Variants in RALGAPA2 observed in about 807,000 individuals in gnomAD.
RALGAPA2 encodes ral GTPase-activating protein subunit alpha-2.
In RALGAPA2, 139 loss-of-function variants were observed where a neutral mutation model predicts 230.4. The ratio of observed to expected loss-of-function variants is 0.60; its 90% confidence interval spans 0.53 to 0.69. The LOEUF is 0.69. RALGAPA2 is among the 30% of genes least tolerant of loss of function. The pLI is 0.00. For missense variants in RALGAPA2, 2,163 were observed against 2,276.0 expected, an observed-to-expected ratio of 0.95 and a Z score of 1.01; for synonymous variants, 847 against 837.8, an observed-to-expected ratio of 1.01 and a Z score of -0.19.
rs8116168 is a variant in RALGAPA2 at position 20,622,224 on chromosome 20, T to C, written c.1234-1594A>G. Among the ~76,000 whole-genome samples, 1,282 of 148,932 alleles carry C rather than the reference T, an allele frequency of 8.6e-3. 16 individuals are homozygous for C. Among genetic ancestry groups the C allele is most frequent in the African/African-American group, 0.03 (1,217 of 40,352 alleles). On this transcript the variant is annotated intron_variant, in intron 10 of 39. Transcript: ENST00000202677. ...AGAAGAGAGGATAAGAAAGAGAAAATACAATGAATAGGTTATCCAATGAAT... is the reference window on the plus strand; with the variant it reads ...AGAAGAGAGGATAAGAAAGAGAAAACACAATGAATAGGTTATCCAATGAAT...
chr20:20,497,428 C>T (rs372905787), intron 35 of RALGAPA2, among the ~76,000 whole-genome samples: 15 of 152,108 alleles, frequency 9.9e-5, no homozygotes, highest in African/African-American at 3.4e-4. Context: ...GTTCACACAG[C>T]CCTCACCCTG....
intron 24 of RALGAPA2, among the ~76,000 whole-genome samples, chr20:20,538,359 G>A (rs946160501): frequency 4.6e-5 from 7 of 152,158 alleles, no homozygotes; most frequent in African/African-American, 1.7e-4. Context: ...GCTGGCGGTG[G>A]GTGAGGGAGC....
chr20:20,589,448 T>C (rs2065224254), intron 17 of RALGAPA2, 83 bp from the exon 18 acceptor site: 35 of 1,350,056 alleles, frequency 2.6e-5, no homozygotes, highest in Non-Finnish European at 3.3e-5. Context: ...TATATATAGG[T>C]AACTATTAAA....
At chr20:20,519,560 A>G (rs1221715864) in intron 31 of RALGAPA2, among the ~76,000 whole-genome samples, 1 of 152,146 alleles carries the variant, frequency 6.6e-6, no homozygotes, top group East Asian at 1.9e-4. Flanking sequence ...CTCTGGCAAA[A>G]CCTACCACCA....
intron 37 of RALGAPA2, among the ~76,000 whole-genome samples, chr20:20,427,830 A>C (rs1052750586): frequency 6.6e-6 from 1 of 151,870 alleles, no homozygotes; most frequent in Non-Finnish European, 1.5e-5. Flanking sequence ...GCTGGACAAC[A>C]TATATCATCA....
chr20:20,583,329 A>G (rs2065042820), intron 19 of RALGAPA2, 103 bp from the exon 20 acceptor site: 1 of 1,249,068 alleles, frequency 8.0e-7, no homozygotes, highest in Non-Finnish European at 1.1e-6. Flanking sequence ...CAGACACAGT[A>G]GGAATCATTC....
In RALGAPA2 at chr20:20,594,050, AG is replaced by A. The variant is rs537040114; in HGVS notation, c.2204-2737del. Reference sequence around the variant, plus strand: ...CAGGAGCACTCGTGATTTAGTGGGAAGGAAGGGGAGAGCCACGATGCTTAAG... The same window carrying A: ...CAGGAGCACTCGTGATTTAGTGGGAAGAAGGGGAGAGCCACGATGCTTAAG... On this transcript the variant is annotated intron_variant, in intron 16 of 39. Coordinates refer to ENST00000202677, the MANE Select transcript of RALGAPA2 (RefSeq NM_020343.4). Among the ~76,000 whole-genome samples the A allele has an allele frequency of 2.0e-5, 3 of 152,308 alleles. No individual in the cohort carries two copies. In the East Asian group the frequency reaches 5.8e-4, roughly 29 times the overall value.
At chr20:20,586,755 C>G (rs1602952719) in intron 18 of RALGAPA2, among the ~76,000 whole-genome samples, 1 of 152,000 alleles carries the variant, frequency 6.6e-6, no homozygotes, top group African/African-American at 2.4e-5. Flanking sequence ...AGTTACTGAA[C>G]TGATGAAAGA....
At chr20:20,564,301 G>C (rs2064346754) in intron 23 of RALGAPA2, among the ~76,000 whole-genome samples, 1 of 152,168 alleles carries the variant, frequency 6.6e-6, no homozygotes, top group African/African-American at 2.4e-5. Context: ...CATGCTTCTT[G>C]TCCTGCTATT....
At chr20:20,562,322 A>T (rs764023938) in intron 23 of RALGAPA2, among the ~76,000 whole-genome samples, 7 of 152,186 alleles carry the variant, frequency 4.6e-5, no homozygotes, top group Admixed American at 6.5e-5. Flanking sequence ...GCCACAGTAG[A>T]GTCTCCTTCC....
At position 20,712,282 on chromosome 20, in the gene RALGAPA2, C is replaced by A; in HGVS notation, c.106+93G>T. ...GACGCCCACCCATCCCCCTCCCCAG[C>A]CTCCCAGCCACCGACCCCTGCACAG... On this transcript the variant is annotated intron_variant, in intron 1 of 39. Coordinates refer to ENST00000202677, the MANE Select transcript of RALGAPA2 (RefSeq NM_020343.4). The surrounding 1 kb of genome is among the most constrained non-coding windows in gnomAD (Gnocchi z 5.5). 8.6e-7 allele frequency: 1 copy of A among 1,166,810 alleles called. No homozygotes were observed. Among genetic ancestry groups the A allele is most frequent in the South Asian group, 1.5e-5 (1 of 64,986 alleles). The allele number at this position is 1,166,810 out of a possible 1,614,324, so 72.3% of individuals were successfully genotyped here.
rs149900198 is a variant in RALGAPA2, at chr20:20,416,734, G to A, written c.5496-4586C>T. 3.1e-3 allele frequency among the ~76,000 whole-genome samples: 466 copies of A among 152,288 alleles called. 2 individuals carry two copies. The highest frequency in any genetic ancestry group is 0.011 in the African/African-American group (450 of 41,556). The stretch of plus-strand genomic sequence containing the variant: ...TACTCATTCGGGCTATGTGTTTGTT[G>A]ACTGTTGTTTAGCACTATCAAGCTT... On this transcript the variant is annotated intron_variant, in intron 37 of 39. Coordinates refer to ENST00000202677, the MANE Select transcript of RALGAPA2 (RefSeq NM_020343.4).
chr20:20,600,795 C>T (rs1305739971), intron 16 of RALGAPA2, among the ~76,000 whole-genome samples: 1 of 152,172 alleles, frequency 6.6e-6, no homozygotes, highest in Non-Finnish European at 1.5e-5. Flanking sequence ...AAAGAGTTCA[C>T]TTTTTGTTTT....
At chr20:20,402,040 G>A (rs1227179490) in intron 38 of RALGAPA2, among the ~76,000 whole-genome samples, 2 of 152,198 alleles carry the variant, frequency 1.3e-5, no homozygotes, top group African/African-American at 4.8e-5. Flanking sequence ...TCATTCCTGT[G>A]GGTGGGTCCC....
chr20:20,458,588 A>C, intron 37 of RALGAPA2, among the ~76,000 whole-genome samples: 1 of 126,340 alleles, frequency 7.9e-6, no homozygotes, highest in Admixed American at 8.4e-5. Context: ...ATACCAATAC[A>C]ATAAGAAATA....
At chr20:20,660,320 C>G (rs1032274702) in intron 3 of RALGAPA2, among the ~76,000 whole-genome samples, 4 of 151,914 alleles carry the variant, frequency 2.6e-5, no homozygotes, top group South Asian at 2.1e-4. Flanking sequence ...TTCACTCATG[C>G]CTGTATTTAT....
intron 23 of RALGAPA2, among the ~76,000 whole-genome samples, chr20:20,560,175 C>T (rs2064215425): frequency 6.6e-6 from 1 of 151,906 alleles, no homozygotes; most frequent in South Asian, 2.1e-4. Flanking sequence ...GCCATGGGAA[C>T]CAAGGAAGGG....
chr20:20,598,352 C>T (rs1400659519), intron 16 of RALGAPA2, among the ~76,000 whole-genome samples: 1 of 151,964 alleles, frequency 6.6e-6, no homozygotes, highest in Non-Finnish European at 1.5e-5. Context: ...TATGAAAATC[C>T]CCTTACTTTC....
At chr20:20,549,516 A>G (rs2063865775) in intron 23 of RALGAPA2, among the ~76,000 whole-genome samples, 1 of 152,128 alleles carries the variant, frequency 6.6e-6, no homozygotes, top group African/African-American at 2.4e-5. Context: ...CGCCAAAGAC[A>G]GCACTGGGGG....
Sources: gnomAD v4.1 joint callset for allele counts (sites outside exome capture counted in the v4.1 genomes callset) on GRCh38, gnomAD v4.1.1 for gene constraint, Gnocchi (gnomAD v3.1) non-coding constraint, MANE v1.5 for transcripts, NCBI Gene and HGNC (gene_info 2026-07-23, HGNC 2026-07-21) for gene names.